CCSER1: variants seen among roughly 807,000 people sequenced by gnomAD.
CCSER1 encodes the protein serine-rich coiled-coil domain-containing protein 1.
Under a neutral mutation model 82.0 loss-of-function variants are expected in CCSER1, and 41 were observed. The observed-to-expected ratio is 0.50, with a 90% confidence interval of 0.39 to 0.65. The LOEUF (loss-of-function observed/expected upper bound fraction) is 0.65, where lower values mean the gene tolerates loss of function less well. CCSER1 is among the 30% of genes least tolerant of loss of function. The pLI is 0.00. For missense variants in CCSER1, 1,119 were observed against 1,064.2 expected (o/e 1.05, Z -0.72); for synonymous variants, 414 against 383.9 (o/e 1.08, Z -0.92).
At chr4:91,046,842 C>A (rs978650453) in intron 9 of CCSER1, among the ~76,000 whole-genome samples, 1 of 152,038 alleles carries the variant, frequency 6.6e-6, no homozygotes, top group Non-Finnish European at 1.5e-5. Context: ...CTCAGCCTCC[C>A]GAGTAGCTGG....
At chr4:90,478,830 T>A (rs1172098308) in intron 5 of CCSER1, among the ~76,000 whole-genome samples, 1 of 149,014 alleles carries the variant, frequency 6.7e-6, no homozygotes, top group East Asian at 2.1e-4. Context: ...AACCTCCACC[T>A]CCCAGGTTCA....
At chr4:91,074,206 G>A (rs72667587) in intron 9 of CCSER1, among the ~76,000 whole-genome samples, 8,290 of 152,190 alleles carry the variant, frequency 0.054, 333 homozygotes, top group Non-Finnish European at 0.081. Flanking sequence ...GCCCAATGGG[G>A]GAAGAACTAT....
chr4:91,511,597 G>A (rs1759828881), intron 10 of CCSER1, among the ~76,000 whole-genome samples: 1 of 152,114 alleles, frequency 6.6e-6, no homozygotes. Flanking sequence ...TCATATTACT[G>A]CCTGAGCTCC....
At chr4:91,292,068 C>A (rs1011084489) in intron 10 of CCSER1, among the ~76,000 whole-genome samples, 2 of 152,054 alleles carry the variant, frequency 1.3e-5, no homozygotes, top group South Asian at 2.1e-4. Context: ...AACTAGCAAG[C>A]GATGCCTGAG....
intron 6 of CCSER1, among the ~76,000 whole-genome samples, chr4:90,655,399 A>G (rs1423023473): frequency 1.3e-5 from 2 of 151,826 alleles, no homozygotes; most frequent in African/African-American, 4.8e-5. Context: ...ATGGCTTTTG[A>G]TAGTTATTTA....
chr4:91,031,129 G>T (rs1740944041), intron 9 of CCSER1, among the ~76,000 whole-genome samples: 1 of 152,154 alleles, frequency 6.6e-6, no homozygotes, highest in Admixed American at 6.6e-5. Context: ...CTCATTATAT[G>T]ATGTTCACGT....
At chr4:90,484,381 C>T (rs1766626627) in intron 5 of CCSER1, among the ~76,000 whole-genome samples, 2 of 152,164 alleles carry the variant, frequency 1.3e-5, no homozygotes, top group Admixed American at 1.3e-4. Context: ...TCATCAAAGT[C>T]ATTCTCCATC....
chr4:91,313,157 A>G (rs534030487), intron 10 of CCSER1, among the ~76,000 whole-genome samples: 1 of 152,030 alleles, frequency 6.6e-6, no homozygotes, highest in African/African-American at 2.4e-5. Flanking sequence ...CTGTCTTCTC[A>G]CATTCATAAG....
chr4:90,957,251 C>CCG (rs918787730), intron 9 of CCSER1, among the ~76,000 whole-genome samples: 13 of 147,042 alleles, frequency 8.8e-5, no homozygotes, highest in Admixed American at 4.1e-4. Flanking sequence ...ACAGGCCCCC[C>CCG]CCACCACGTC....
intron 7 of CCSER1, among the ~76,000 whole-genome samples, chr4:90,805,603 A>C (rs1757403558): frequency 6.6e-6 from 1 of 152,198 alleles, no homozygotes; most frequent in Non-Finnish European, 1.5e-5. Flanking sequence ...TTTCAATAGG[A>C]ATACTAGCAA....
intron 7 of CCSER1, among the ~76,000 whole-genome samples, chr4:90,733,074 A>G (rs901105004): frequency 1.3e-5 from 2 of 152,176 alleles, no homozygotes; most frequent in Non-Finnish European, 2.9e-5. Context: ...ATCAAATGGT[A>G]CATCTATTTT....
At chr4:91,470,903 A>C (rs1757238029) in intron 10 of CCSER1, among the ~76,000 whole-genome samples, 1 of 152,128 alleles carries the variant, frequency 6.6e-6, no homozygotes, top group African/African-American at 2.4e-5. Context: ...ATAGCAATCC[A>C]TTTGCTTTGC....
At chr4:90,484,496 T>C (rs1263166699) in intron 5 of CCSER1, among the ~76,000 whole-genome samples, 1 of 152,186 alleles carries the variant, frequency 6.6e-6, no homozygotes, top group Non-Finnish European at 1.5e-5. Flanking sequence ...TCCCCATCTT[T>C]GTGGTTTTAT....
intron 9 of CCSER1, among the ~76,000 whole-genome samples, chr4:91,066,383 C>T (rs1392459819): frequency 6.6e-6 from 1 of 152,110 alleles, no homozygotes; most frequent in African/African-American, 2.4e-5. Flanking sequence ...AGCAGTAAAC[C>T]TTGGGGATTC....
At chr4:90,296,632 C>T (rs1047095805) in intron 1 of CCSER1, among the ~76,000 whole-genome samples, 4 of 152,056 alleles carry the variant, frequency 2.6e-5, no homozygotes, top group African/African-American at 7.2e-5. Flanking sequence ...TTAGGTCTAA[C>T]GTTTAAGTCT....
chr4:90,699,038 G>A (rs979684422), intron 6 of CCSER1, among the ~76,000 whole-genome samples: 11 of 151,924 alleles, frequency 7.2e-5, no homozygotes, highest in African/African-American at 2.7e-4. Context: ...GAGGTTGAGG[G>A]TGCAGTGAGC....
chr4:90,861,926 A>ATTT lies in CCSER1; in HGVS notation c.2094+46089_2094+46091dup, dbSNP rs70963087. 2.9e-4 allele frequency among the ~76,000 whole-genome samples: 36 copies of ATTT among 125,656 alleles called. 1 individual carries two copies. The highest frequency in any genetic ancestry group is 4.2e-3 in the Middle Eastern group (1 of 238). 82.4% of individuals were successfully genotyped at this position (125,656 alleles called of 152,430 possible). A position where few individuals can be genotyped will look rare whatever the true frequency, so the allele number is the denominator to read the frequency against. ...GACTCATATATATATATATATATAT[A>ATTT]TTTTTTTTTTCTGTTAGACTAGTGT... On this transcript the variant is annotated intron_variant, in intron 8 of 10. Transcript: ENST00000509176.
At chr4:91,336,218 A>G (rs1747316358) in intron 10 of CCSER1, among the ~76,000 whole-genome samples, 4 of 152,140 alleles carry the variant, frequency 2.6e-5, no homozygotes, top group Non-Finnish European at 5.9e-5. Context: ...GCATAGTTAT[A>G]TATCTGTGTT....
intron 1 of CCSER1, among the ~76,000 whole-genome samples, chr4:90,238,045 G>T (rs577518423): frequency 6.6e-6 from 1 of 152,308 alleles, no homozygotes; most frequent in Admixed American, 6.5e-5. Flanking sequence ...AGCAGAAAGA[G>T]AATTCTTGGG....
Sources: gnomAD v4.1 joint callset for allele counts (sites outside exome capture counted in the v4.1 genomes callset) on GRCh38, gnomAD v4.1.1 for gene constraint, MANE v1.5 for transcripts, NCBI Gene and HGNC (gene_info 2026-07-23, HGNC 2026-07-21) for gene names.